Variants in TSC2 observed in about 807,000 individuals in gnomAD.
TSC2 encodes tuberin.
A neutral mutation model predicts 202.2 loss-of-function variants in TSC2; 29 were observed. The observed-to-expected ratio is 0.14, with a 90% CI of 0.11 to 0.20. TSC2 has a LOEUF of 0.20. Ranked by LOEUF, TSC2 falls within the 10% of genes least tolerant of loss-of-function variation. The pLI is 1.00. For missense variants in TSC2, 2,429 were observed against 2,420.0 expected (o/e 1.00, Z -0.08); for synonymous variants, 1,349 against 1,044.0 (o/e 1.29, Z -5.63).
intron 17 of TSC2, 166 bp from the exon 18 acceptor site, chr16:2,071,344 A>G (rs998190368): frequency 9.7e-6 from 7 of 720,462 alleles, no homozygotes; most frequent in Non-Finnish European, 1.5e-5. Context: ...CTCCGGTGTC[A>G]CCAGGACAGA....
Position 2,063,855 on chromosome 16 carries a change from C to G in TSC2, c.1444-417C>G, listed in dbSNP as rs539238659. On this transcript the variant is annotated intron_variant, in intron 14 of 41. Transcript: ENST00000219476. ...CACGCTGTCCTCAGCACAGCACGCA[C>G]ACACACGCATATTCACGCATGCACA... The G allele has an allele frequency of 1.2e-5, 4 of 340,514 alleles. No individual in the cohort carries two copies. The East Asian group carries it at 2.2e-4, about 19-fold the overall frequency. 21.1% of individuals were successfully genotyped at this position (340,514 alleles called of 1,614,324 possible).
At position 2,084,317 on chromosome 16, in the gene TSC2, G is replaced by A. The variant is rs139630605; in HGVS notation, c.4095G>A (p.Ser1365=). Residue 1365 remains serine, a synonymous_variant, in exon 34 of 42, where the codon TCG becomes TCA. Transcript: ENST00000219476. ...RGIPIERVVS[S]EGGRPSVDLS... ...TCCCCATCGAGCGAGTCGTCTCCTC[G>A]GAGGGTGGCCGGCCCTCTGTGGACC... The A allele has an allele frequency of 1.4e-4, 227 of 1,612,738 alleles. No homozygotes were observed. The highest frequency in any genetic ancestry group is 7.7e-5 in the South Asian group (7 of 91,070).
At chr16:2,070,838 TC>T (rs1260395198) in intron 17 of TSC2, among the ~76,000 whole-genome samples, 1 of 152,102 alleles carries the variant, frequency 6.6e-6, no homozygotes, top group African/African-American at 2.4e-5. Context: ...CACGGCGACT[TC>T]CGGGGCAGTG....
chr16:2,077,148 GC>G (rs1267174693), intron 25 of TSC2, among the ~76,000 whole-genome samples: 2 of 152,214 alleles, frequency 1.3e-5, no homozygotes, highest in Non-Finnish European at 2.9e-5. Flanking sequence ...GGCCATTACG[GC>G]CAGAGACTAC....
rs9209 is a variant in TSC2, at chr16:2,088,507, G to C, written c.5321G>C (p.Ser1774Thr). The C allele has an allele frequency of 1.7e-3, 2,693 of 1,612,806 alleles. 52 individuals carry two copies. In the African/African-American group the frequency reaches 0.032, roughly 19 times the overall value. ...CCTCTGGTGCACCCTCCGTCCCATA[G>C]CAAAGCCCCTGCACAGACTCCAGCC... Reference protein sequence around the residue: ...SLPLVHPPSHSKAPAQTPAEP... With the variant: ...SLPLVHPPSHTKAPAQTPAEP... Residue 1774 changes from serine to threonine, a missense_variant, in exon 42 of 42, where the codon AGC (serine) becomes ACC (threonine). Physicochemically the swap from Ser to Thr is moderately conservative, Grantham distance 58. Transcript: ENST00000219476.
rs376254965 is a variant in TSC2 at position 2,048,000 on chromosome 16, C to T, written c.-95C>T. 1.3e-6 allele frequency: 2 copies of T among 1,506,476 alleles called. No individual in the cohort carries two copies. The highest frequency in any genetic ancestry group is 1.2e-5 in the South Asian group (1 of 80,150). The allele number at this position is 1,506,476 out of a possible 1,614,324, so 93.3% of individuals were successfully genotyped here. On this transcript the variant is annotated 5_prime_UTR_variant, in exon 1 of 42. Transcript: ENST00000219476. The stretch of plus-strand genomic sequence containing the variant: ...TGCGGGTCGCGCTTCCGGCGGCGTC[C>T]CGGGGCCAGGGGGGTGCGCCTTTCT...
rs1196792438 is a variant in TSC2, at chr16:2,074,272, A to G, written c.2428A>G (p.Ile810Val). Residue 810 changes from isoleucine (I) to valine (V), a missense_variant, in exon 22 of 42, where the codon ATC becomes GTC. Coordinates refer to ENST00000219476, the MANE Select transcript of TSC2 (RefSeq NM_000548.5). Reference sequence around the variant, plus strand: ...CAGCCAGTGCGTCGTGGCCTTGTCCATCTGCAGCGTGGAGATGCCTGACAT... The same window carrying G: ...CAGCCAGTGCGTCGTGGCCTTGTCCGTCTGCAGCGTGGAGATGCCTGACAT... Reference protein sequence around the residue: ...CASQCVVALSICSVEMPDIII... With the variant: ...CASQCVVALSVCSVEMPDIII... 2.5e-6 allele frequency: 4 copies of G among 1,613,168 alleles called. No individual in the cohort carries two copies. The highest frequency in any genetic ancestry group is 2.5e-6 in the Non-Finnish European group (3 of 1,180,028).
rs1192271452 is a variant in TSC2, at chr16:2,057,174, G to A, written c.844G>A (p.Asp282Asn). 1 of 1,551,772 alleles carries A rather than the reference G, an allele frequency of 6.4e-7. No homozygotes were observed. Among genetic ancestry groups the A allele is most frequent in the Non-Finnish European group, 8.7e-7 (1 of 1,147,038 alleles). The change falls in exon 9 of 42, where the codon GAC (aspartate) becomes AAC (asparagine). Residue 282 changes from aspartate to asparagine, a missense_variant. Transcript: ENST00000219476. ...CTACAACATGTGCCACCTCATGGAGGACAGGTGAGTGTGGTGGGTGGGGCG... is the reference window on the plus strand; with the variant it reads ...CTACAACATGTGCCACCTCATGGAGAACAGGTGAGTGTGGTGGGTGGGGCG... ...AIYNMCHLME[D>N]RAYMEDAPLL... is the part of the protein sequence containing the mutation.
At position 2,089,375 on chromosome 16, in the gene TSC2, C is replaced by A. The variant is rs1001905592; in HGVS notation, c.*765C>A. On this transcript the variant is annotated 3_prime_UTR_variant, in exon 42 of 42. Transcript: ENST00000219476. ...CAGGGTGGCGGCGGTGCAGGCTAACCCTCCCTGAAGCCAGCAGCCTTAGCA... is the reference window on the plus strand; with the variant it reads ...CAGGGTGGCGGCGGTGCAGGCTAACACTCCCTGAAGCCAGCAGCCTTAGCA... The A allele has an allele frequency of 2.5e-6, 1 of 395,978 alleles. No homozygotes were observed. The highest frequency in any genetic ancestry group is 4.6e-6 in the Non-Finnish European group (1 of 215,996). The allele number at this position is 395,978 out of a possible 1,614,324, so 24.5% of individuals were successfully genotyped here. A position where few individuals can be genotyped will look rare whatever the true frequency, so the allele number is the denominator to read the frequency against.
At position 2,060,778 on chromosome 16, in the gene TSC2, C is replaced by G. The variant is rs2151138001; in HGVS notation, c.1084C>G (p.Leu362Val). ...CCAGGTGGTGGCGTGGGACATTCTG[C>G]TGAACATCATCGAACGGCTCCTTCA... is the stretch of plus-strand genomic sequence containing the variant. ...ELQVVAWDIL[L>V]NIIERLLQQL... Residue 362 changes from leucine to valine, a missense_variant, in exon 11 of 42, where the codon CTG (leucine) becomes GTG (valine). Physicochemically the swap from Leu to Val is conservative, Grantham distance 32 (BLOSUM62 1). Coordinates refer to ENST00000219476, the MANE Select transcript of TSC2 (RefSeq NM_000548.5). The G allele has an allele frequency of 1.2e-6, 2 of 1,613,918 alleles. No individual in the cohort carries two copies. Among genetic ancestry groups the G allele is most frequent in the Non-Finnish European group, 1.7e-6 (2 of 1,179,932 alleles).
In TSC2 at chr16:2,065,655, C is replaced by A. The variant is rs781703479; in HGVS notation, c.1716+20C>A. The A allele has an allele frequency of 1.2e-6, 2 of 1,605,532 alleles. No individual in the cohort carries two copies. Among genetic ancestry groups the A allele is most frequent in the South Asian group, 1.1e-5 (1 of 90,906 alleles). ...CTTCAGGTGGGTGTTCTGCACGAGGCCTCTGCTCCCGGGGCGCGCATGGCT... is the reference window on the plus strand; with the variant it reads ...CTTCAGGTGGGTGTTCTGCACGAGGACTCTGCTCCCGGGGCGCGCATGGCT... On this transcript the variant is annotated intron_variant, in intron 16 of 41. Coordinates refer to ENST00000219476, the MANE Select transcript of TSC2 (RefSeq NM_000548.5).
rs753947985 is a variant in TSC2, at chr16:2,086,185, C to A, written c.4663-8C>A. 3.7e-6 allele frequency: 6 copies of A among 1,611,912 alleles called. No individual in the cohort carries two copies. Among genetic ancestry groups the A allele is most frequent in the South Asian group, 3.3e-5 (3 of 91,088 alleles). ...TGATGCCACCCTGCCTCTCCCCTCT[C>A]CCCACAGAGCAACAGCGAGCTCGCC... On this transcript the variant is annotated splice_polypyrimidine_tract_variant and splice_region_variant and intron_variant, in intron 36 of 41. Coordinates refer to ENST00000219476, the MANE Select transcript of TSC2 (RefSeq NM_000548.5).
At position 2,074,241 on chromosome 16, in the gene TSC2, C is replaced by T. The variant is rs2151348621; in HGVS notation, c.2397C>T (p.Arg799=). ...VYCLEQGLIH[R]CASQCVVALS... ...GCCTGGAGCAGGGCCTCATCCACCG[C>T]TGTGCCAGCCAGTGCGTCGTGGCCT... Residue 799 remains arginine (R), a synonymous_variant, in exon 22 of 42, where the codon CGC becomes CGT. Coordinates refer to ENST00000219476, the MANE Select transcript of TSC2 (RefSeq NM_000548.5). The T allele has an allele frequency of 6.2e-7, 1 of 1,612,548 alleles. No homozygotes were observed. Among genetic ancestry groups the T allele is most frequent in the Non-Finnish European group, 8.5e-7 (1 of 1,180,020 alleles).
At chr16:2,086,073 C>T (rs2090747746) in intron 36 of TSC2, 120 bp from the exon 37 acceptor site, 2 of 1,191,552 alleles carry the variant, frequency 1.7e-6, no homozygotes, top group East Asian at 2.5e-5. Context: ...AATGGATGGT[C>T]TTGTCTGCCT....
Position 2,085,011 on chromosome 16 carries a change from CCTG to C in TSC2, c.4559_4561del (p.Leu1520del). On this transcript the variant is annotated inframe_deletion, in exon 35 of 42. Coordinates refer to ENST00000219476, the MANE Select transcript of TSC2 (RefSeq NM_000548.5). ...TTGGCGACGAGTCAAACAAGCCAAT[CCTG>C]CTGCCCAATGAGGTAGGCGTGGCCT... is the stretch of plus-strand genomic sequence containing the variant. 6.2e-7 allele frequency: 1 copy of C among 1,613,430 alleles called. No individual in the cohort carries two copies. Among genetic ancestry groups the C allele is most frequent in the Non-Finnish European group, 8.5e-7 (1 of 1,179,988 alleles).
intron 30 of TSC2, chr16:2,081,327 G>T (rs574879064): frequency 3.8e-6 from 2 of 529,622 alleles, no homozygotes; most frequent in East Asian, 3.3e-5. Context: ...TCCAGCCCTC[G>T]TGGAGGCCTT....
chr16:2,053,689 A>G, intron 4 of TSC2: 1 of 654,538 alleles, frequency 1.5e-6, no homozygotes, highest in Non-Finnish European at 2.8e-6. Context: ...CTCTTATGGG[A>G]TGTTCTGGGG....
Position 2,059,200 on chromosome 16 carries a change from TAG to T in TSC2, c.975+331_975+332del, listed in dbSNP as rs547889867. Among the ~76,000 whole-genome samples, 97 of 151,352 alleles carry T rather than the reference TAG, an allele frequency of 6.4e-4. 3 individuals carry two copies. The highest frequency in any genetic ancestry group is 5.0e-3 in the South Asian group (24 of 4,780). On this transcript the variant is annotated intron_variant, in intron 10 of 41. Coordinates refer to ENST00000219476, the MANE Select transcript of TSC2 (RefSeq NM_000548.5). ...TGCCTGGCTAATTTTGTGTTTTTAG[TAG>T]AGACGGGGTTTCGCCATGTTGGCCA...
At position 2,080,252 on chromosome 16, in the gene TSC2, C is replaced by T. The variant is rs778069675; in HGVS notation, c.3485C>T (p.Pro1162Leu). Reference protein sequence around the residue: ...SATSPGPRTAPAAKPEKASAG... With the variant: ...SATSPGPRTALAAKPEKASAG... ...ACTTCTCCAGGACCACGGACTGCAC[C>T]AGCCGCGAAACCTGAGAAGGCCTCA... Residue 1162 changes from proline to leucine, a missense_variant, in exon 30 of 42, where the codon CCA becomes CTA. Pro to Leu is a moderately conservative substitution (Grantham distance 98, BLOSUM62 -3). Transcript: ENST00000219476. 8.7e-6 allele frequency: 14 copies of T among 1,613,020 alleles called. No homozygotes were observed. The highest frequency in any genetic ancestry group is 1.7e-5 in the Admixed American group (1 of 60,032).
Sources: gnomAD v4.1 joint callset for allele counts (sites outside exome capture counted in the v4.1 genomes callset) on GRCh38, gnomAD v4.1.1 for gene constraint, MANE v1.5 for transcripts, NCBI Gene and HGNC (gene_info 2026-07-23, HGNC 2026-07-21) for gene names.